The following NCS1 variants were observed in gnomAD, a reference collection of about 807,000 sequenced individuals.
NCS1 encodes the protein frequenin homolog.
A neutral mutation model predicts 28.4 loss-of-function variants in NCS1; 6 were observed. The ratio of observed to expected loss-of-function variants is 0.21; its 90% CI spans 0.12 to 0.42. The LOEUF is 0.42. Among genes scored for constraint, NCS1 ranks in the 10% least tolerant of loss-of-function variants. NCS1 has a pLI of 1.00. For synonymous variants in NCS1, 86 were observed against 99.3 expected (o/e 0.87, Z 0.79); for missense variants, 131 against 241.4 (o/e 0.54, Z 3.03).
In NCS1 at chr9:130,205,716, T is replaced by A. The variant is rs992707133; in HGVS notation, c.89+4734T>A. On this transcript the variant is annotated intron_variant, in intron 2 of 7. Transcript: ENST00000372398. ...AGCTGGACATGGTGGCACATGCCTATGGTCCCAGCTACTTGGCTGAGATGG... is the reference window on the plus strand; with the variant it reads ...AGCTGGACATGGTGGCACATGCCTAAGGTCCCAGCTACTTGGCTGAGATGG... Among the ~76,000 whole-genome samples the A allele has an allele frequency of 2.3e-4, 35 of 151,432 alleles. 1 individual carries two copies. The highest frequency in any genetic ancestry group is 1.2e-4 in the Non-Finnish European group (8 of 67,890).
chr9:130,199,071 G>A (rs117240335), intron 1 of NCS1, among the ~76,000 whole-genome samples: 1,517 of 149,384 alleles, frequency 0.01, 8 homozygotes, highest in Non-Finnish European at 0.015. Context: ...GGCATCTCCC[G>A]CTGTTGCCTT....
chr9:130,202,760 A>G (rs1832970680), intron 2 of NCS1, among the ~76,000 whole-genome samples: 1 of 151,848 alleles, frequency 6.6e-6, no homozygotes, highest in Non-Finnish European at 1.5e-5. Context: ...TTATATTTTT[A>G]GTAGAGACGG....
Position 130,176,177 on chromosome 9 carries a change from TC to T in NCS1, c.64+3451del, listed in dbSNP as rs1564700754. Among the ~76,000 whole-genome samples, 497 of 68,602 alleles carry T rather than the reference TC, an allele frequency of 7.2e-3. 17 individuals are homozygous for T. The highest frequency in any genetic ancestry group is 0.031 in the East Asian group (20 of 644). The allele number at this position is 68,602 out of a possible 152,430, so 45.0% of individuals were successfully genotyped here. On this transcript the variant is annotated intron_variant, in intron 1 of 7. Transcript: ENST00000372398. ...TTCTTTCTTTCTTTCTTTCTTTCTT[TC>T]TTTCTTTCTTTCTTTCTTTTTTTTT... is the stretch of plus-strand genomic sequence containing the variant.
In NCS1 at chr9:130,219,864, C is replaced by T; in HGVS notation, c.307+61C>T. 2 of 1,552,434 alleles carry T rather than the reference C, an allele frequency of 1.3e-6. No individual in the cohort carries two copies. Among genetic ancestry groups the T allele is most frequent in the Non-Finnish European group, 8.9e-7 (1 of 1,125,378 alleles). ...CTGGAGGGCCCAGGTCAGAGGGAGG[C>T]AGCCCTCGGCCCTCACCAGGCAGGG... On this transcript the variant is annotated intron_variant, in intron 4 of 7. Transcript: ENST00000372398. The surrounding 1 kb of genome is among the most constrained non-coding windows in gnomAD (Gnocchi z 5.7).
At chr9:130,172,859 C>T (rs1832504365) in intron 1 of NCS1, 132 bp downstream of exon 1, 4 of 414,872 alleles carry the variant, frequency 9.6e-6, no homozygotes, top group African/African-American at 2.2e-5. Context: ...GCCCGGCCTC[C>T]AATGTGGACC....
intron 6 of NCS1, among the ~76,000 whole-genome samples, chr9:130,223,486 A>G (rs528887095): frequency 1.3e-5 from 2 of 152,298 alleles, no homozygotes; most frequent in East Asian, 1.9e-4. Flanking sequence ...CATAAGATCA[A>G]AAAGGAAGCT....
rs1199590661 is a variant in NCS1 at position 130,181,875 on chromosome 9, T to C, written c.64+9148T>C. Among the ~76,000 whole-genome samples the C allele has an allele frequency of 4.0e-5, 6 of 149,680 alleles. No homozygotes were observed. Among genetic ancestry groups the C allele is most frequent in the Admixed American group, 1.3e-4 (2 of 15,090 alleles). On this transcript the variant is annotated intron_variant, in intron 1 of 7. Coordinates refer to ENST00000372398, the MANE Select transcript of NCS1 (RefSeq NM_014286.4). The surrounding 1 kb of genome is among the most constrained non-coding windows in gnomAD (Gnocchi z 5.0). ...CCGGGCACTCCTGTGCGCACGCGTG[T>C]GGTGGTGTGTGAGGGCAGCTCTGTA...
intron 1 of NCS1, among the ~76,000 whole-genome samples, chr9:130,189,879 A>AAAAAAAAATATAT (rs1554906056): frequency 7.9e-5 from 3 of 37,750 alleles, no homozygotes; most frequent in African/African-American, 3.5e-4. Flanking sequence ...AAAAAAAAAA[A>AAAAAAAAATATAT]ATATATATAT....
chr9:130,186,319 C>A lies in NCS1; in HGVS notation c.64+13592C>A, dbSNP rs1832737880. Among the ~76,000 whole-genome samples, 1 of 152,158 alleles carries A rather than the reference C, an allele frequency of 6.6e-6. No individual in the cohort carries two copies. ...TTTGCACAATGGACTGGGAATCTCC[C>A]TGGTCTGGGGTGCATCTGGGAGGGC... is the stretch of plus-strand genomic sequence containing the variant. On this transcript the variant is annotated intron_variant, in intron 1 of 7. Coordinates refer to ENST00000372398, the MANE Select transcript of NCS1 (RefSeq NM_014286.4). The surrounding 1 kb of genome is among the most constrained non-coding windows in gnomAD (Gnocchi z 4.1).
chr9:130,216,991 A>G (rs1833200204), intron 2 of NCS1, among the ~76,000 whole-genome samples: 1 of 152,130 alleles, frequency 6.6e-6, no homozygotes. Flanking sequence ...ATTTAAGTTC[A>G]CAATTCTAAA....
intron 2 of NCS1, among the ~76,000 whole-genome samples, chr9:130,203,131 T>C (rs1832979262): frequency 1.5e-5 from 1 of 67,390 alleles, no homozygotes; most frequent in African/African-American, 4.2e-5. Flanking sequence ...TGTATATATA[T>C]ATATATTTTT....
intron 7 of NCS1, among the ~76,000 whole-genome samples, chr9:130,231,236 A>C (rs1387028478): frequency 6.6e-6 from 1 of 151,752 alleles, no homozygotes; most frequent in Non-Finnish European, 1.5e-5. Context: ...CTGTAGTCCC[A>C]CCTACTTAGG....
chr9:130,180,489 G>T lies in NCS1; in HGVS notation c.64+7762G>T, dbSNP rs1266956128. Among the ~76,000 whole-genome samples, 1 of 152,206 alleles carries T rather than the reference G, an allele frequency of 6.6e-6. No homozygotes were observed. Among genetic ancestry groups the T allele is most frequent in the African/African-American group, 2.4e-5 (1 of 41,448 alleles). On this transcript the variant is annotated intron_variant, in intron 1 of 7. Transcript: ENST00000372398. This position sits in a 1 kb window ranked among gnomAD's most constrained non-coding sequence, Gnocchi z 4.5. ...ATGAATCAATTTTCACATTCTGTGTGTGATCTATTTTGCAGGGCAGAGAGT... is the reference window on the plus strand; with the variant it reads ...ATGAATCAATTTTCACATTCTGTGTTTGATCTATTTTGCAGGGCAGAGAGT...
chr9:130,208,862 C>G (rs1833068931), intron 2 of NCS1, among the ~76,000 whole-genome samples: 1 of 152,096 alleles, frequency 6.6e-6, no homozygotes, highest in Admixed American at 6.5e-5. Context: ...GACCCTTGCC[C>G]AGGTCACACA....
At chr9:130,183,470 G>A (rs968389407) in intron 1 of NCS1, among the ~76,000 whole-genome samples, 1 of 152,196 alleles carries the variant, frequency 6.6e-6, no homozygotes, top group African/African-American at 2.4e-5. Flanking sequence ...GTGGCTTTGA[G>A]GAATGTTTAA....
At chr9:130,208,237 CG>C (rs1554908338) in intron 2 of NCS1, among the ~76,000 whole-genome samples, 1 of 78,916 alleles carries the variant, frequency 1.3e-5, no homozygotes, top group Non-Finnish European at 2.3e-5. Context: ...GGGTGGGGGG[CG>C]GGTGTCCTCT....
chr9:130,178,270 G>C (rs139216371), intron 1 of NCS1, among the ~76,000 whole-genome samples: 2,184 of 152,294 alleles, frequency 0.014, 24 homozygotes, highest in Non-Finnish European at 0.022. Context: ...TACAGAGAGG[G>C]AAGGGGCAGC....
intron 1 of NCS1, among the ~76,000 whole-genome samples, chr9:130,182,540 A>G (rs1554905226): frequency 6.6e-6 from 1 of 152,216 alleles, no homozygotes. Flanking sequence ...TCCTCCAGGA[A>G]GGAGGCAGAG....
intron 3 of NCS1, among the ~76,000 whole-genome samples, chr9:130,218,691 A>G (rs370273353): frequency 1.3e-5 from 2 of 151,866 alleles, no homozygotes; most frequent in East Asian, 3.9e-4. Flanking sequence ...TCCCAGATTC[A>G]AGCAATTCCC....
Sources: allele counts gnomAD v4.1 joint callset (sites outside exome capture counted in the v4.1 genomes callset), GRCh38; gene constraint gnomAD v4.1.1; non-coding constraint Gnocchi (gnomAD v3.1); transcripts MANE v1.5; gene names NCBI Gene and HGNC (gene_info 2026-07-23, HGNC 2026-07-21).